ALMS1: variants seen among roughly 807,000 people sequenced by gnomAD.
The protein encoded by ALMS1 is ALMS1 centrosome and basal body associated protein.
Under a neutral mutation model 352.2 loss-of-function variants are expected in ALMS1, and 271 were observed. The observed-to-expected ratio is 0.77, with a 90% CI of 0.70 to 0.85. The LOEUF is 0.85. Among genes scored for constraint, ALMS1 ranks in the 40% least tolerant of loss-of-function variants. The pLI is 0.00. For synonymous variants in ALMS1, 1,865 were observed against 1,761.2 expected (o/e 1.06, Z -1.48); for missense variants, 5,445 against 4,870.7 (o/e 1.12, Z -3.51).
chr2:73,426,456 G>A lies in ALMS1; in HGVS notation c.1241G>A (p.Gly414Asp), dbSNP rs1671380629. ...SKQAETYLTK[G>D]LQGKVESDVI... ...CAAAATGACTCCTATTTTGTAGAGGGCCTGCAGGGGAAGGTTGAGTCTGAC... is the reference window on the plus strand; with the variant it reads ...CAAAATGACTCCTATTTTGTAGAGGACCTGCAGGGGAAGGTTGAGTCTGAC... Residue 414 changes from glycine (G) to aspartate (D), a missense_variant, in exon 6 of 23, where the codon GGC (glycine) becomes GAC (aspartate). Coordinates refer to ENST00000613296, the MANE Select transcript of ALMS1 (RefSeq NM_001378454.1). The A allele has an allele frequency of 6.2e-7, 1 of 1,613,884 alleles. No homozygotes were observed. Among genetic ancestry groups the A allele is most frequent in the Non-Finnish European group, 8.5e-7 (1 of 1,179,892 alleles).
Position 73,490,395 on chromosome 2 carries a change from A to G in ALMS1, c.8436A>G (p.Leu2812=), listed in dbSNP as rs1672953527. The G allele has an allele frequency of 6.2e-7, 1 of 1,614,010 alleles. No homozygotes were observed. The highest frequency in any genetic ancestry group is 8.5e-7 in the Non-Finnish European group (1 of 1,180,028). Residue 2812 remains leucine (L), a synonymous_variant, in exon 10 of 23, where the codon TTA becomes TTG. Transcript: ENST00000613296. Reference sequence around the variant, plus strand: ...GTTCTTTTCAAGAAGAAAAACCCTTAGAAAGATCAGATTTTACAGGCAGTC... The same window carrying G: ...GTTCTTTTCAAGAAGAAAAACCCTTGGAAAGATCAGATTTTACAGGCAGTC... ...FERSFQEEKP[L]ERSDFTGSHS...
At chr2:73,481,725 C>A (rs936873529) in intron 9 of ALMS1, among the ~76,000 whole-genome samples, 9 of 151,216 alleles carry the variant, frequency 6.0e-5, no homozygotes, top group Admixed American at 2.7e-4. Context: ...AATGTTCTTC[C>A]ATTTGTTTGT....
At chr2:73,471,512 C>A (rs1444837549) in intron 9 of ALMS1, among the ~76,000 whole-genome samples, 20 of 105,498 alleles carry the variant, frequency 1.9e-4, no homozygotes, top group African/African-American at 8.7e-4. Context: ...AAAAAAAAAT[C>A]CCCAAAACAA....
At position 73,547,483 on chromosome 2, in the gene ALMS1, G is replaced by A. The variant is rs114769897; in HGVS notation, c.9908-2784G>A. Among the ~76,000 whole-genome samples the A allele has an allele frequency of 2.2e-3, 340 of 152,236 alleles. 2 individuals are homozygous for A. Among genetic ancestry groups the A allele is most frequent in the African/African-American group, 7.7e-3 (319 of 41,534 alleles). On this transcript the variant is annotated intron_variant, in intron 12 of 22. Coordinates refer to ENST00000613296, the MANE Select transcript of ALMS1 (RefSeq NM_001378454.1). Reference sequence around the variant, plus strand: ...ACTTTCCTTCTTTCTTAAAGTTTCAGTTGGATTGTATGGCATTTAGTACAA... The same window carrying A: ...ACTTTCCTTCTTTCTTAAAGTTTCAATTGGATTGTATGGCATTTAGTACAA...
intron 15 of ALMS1, among the ~76,000 whole-genome samples, chr2:73,565,286 T>A (rs1459493742): frequency 6.6e-6 from 1 of 151,520 alleles, no homozygotes; most frequent in Non-Finnish European, 1.5e-5. Flanking sequence ...GAAAAAAAAA[T>A]GCACAGGGAT....
At position 73,490,216 on chromosome 2, in the gene ALMS1, C is replaced by A. The variant is rs200718841; in HGVS notation, c.8257C>A (p.His2753Asn). The A allele has an allele frequency of 1.5e-4, 250 of 1,614,040 alleles. No homozygotes were observed. Among genetic ancestry groups the A allele is most frequent in the Non-Finnish European group, 2.0e-4 (236 of 1,180,022 alleles). ...TGASVGVFNS[H>N]FTEEQNPPRD... is the part of the protein sequence containing the mutation. ...AGCATCTGTGGGGGTATTTAATTCT[C>A]ATTTCACTGAAGAACAAAATCCTCC... Residue 2753 changes from histidine (H) to asparagine (N), a missense_variant, in exon 10 of 23, where the codon CAT (histidine) becomes AAT (asparagine). Coordinates refer to ENST00000613296, the MANE Select transcript of ALMS1 (RefSeq NM_001378454.1).
At chr2:73,426,770 A>C (rs1671388128) in intron 6 of ALMS1, among the ~76,000 whole-genome samples, 1 of 152,174 alleles carries the variant, frequency 6.6e-6, no homozygotes, top group Non-Finnish European at 1.5e-5. Context: ...CTACTTTACA[A>C]CTACCATCTG....
At chr2:73,521,563 C>T (rs1412763503) in intron 11 of ALMS1, among the ~76,000 whole-genome samples, 2 of 145,414 alleles carry the variant, frequency 1.4e-5, no homozygotes, top group Admixed American at 1.4e-4. Context: ...AATGAAACCC[C>T]GTCTCTACTA....
chr2:73,557,400 A>C, intron 14 of ALMS1, 46 bp downstream of exon 14: 2 of 1,611,630 alleles, frequency 1.2e-6, no homozygotes, highest in Non-Finnish European at 1.7e-6. Context: ...CTGGTCTTCT[A>C]AAATGAGACT....
intron 15 of ALMS1, among the ~76,000 whole-genome samples, chr2:73,567,472 T>C (rs1367359982): frequency 9.2e-5 from 14 of 152,214 alleles, no homozygotes; most frequent in Admixed American, 8.5e-4. Flanking sequence ...AGGCAAAATA[T>C]GTATTTATTA....
chr2:73,387,759 A>G (rs1332135515), intron 1 of ALMS1, among the ~76,000 whole-genome samples: 1 of 152,234 alleles, frequency 6.6e-6, no homozygotes, highest in African/African-American at 2.4e-5. Flanking sequence ...CAGCTGTGAT[A>G]GCAAGGTGGG....
At chr2:73,578,789 G>A (rs932722663) in intron 16 of ALMS1, among the ~76,000 whole-genome samples, 3 of 151,938 alleles carry the variant, frequency 2.0e-5, no homozygotes, top group Non-Finnish European at 4.4e-5. Flanking sequence ...TTATGCATTC[G>A]TTTTTTAAAT....
At chr2:73,546,632 G>A (rs1338754363) in intron 12 of ALMS1, among the ~76,000 whole-genome samples, 2 of 152,144 alleles carry the variant, frequency 1.3e-5, no homozygotes, top group Admixed American at 6.6e-5. Context: ...TTTGTTTTAC[G>A]AACTTATGAA....
At chr2:73,538,274 G>A (rs777320931) in intron 12 of ALMS1, among the ~76,000 whole-genome samples, 3 of 152,076 alleles carry the variant, frequency 2.0e-5, no homozygotes, top group African/African-American at 4.8e-5. Context: ...CAAGGAAGAC[G>A]TGCAAATAGC....
At position 73,448,943 on chromosome 2, in the gene ALMS1, G is replaced by C. The variant is rs138921247; in HGVS notation, c.2416G>C (p.Val806Leu). ...PADQKTGLPT[V>L]PSSAYSHREK... ...TGACCAGAAGACTGGCCTACCAACA[G>C]TACCCTCTAGTGCATACTCACACAG... The change falls in exon 8 of 23, where the codon GTA becomes CTA. Residue 806 changes from valine to leucine, a missense_variant. Transcript: ENST00000613296. The C allele has an allele frequency of 6.0e-4, 974 of 1,614,078 alleles. 18 individuals carry two copies. In the East Asian group the frequency reaches 0.02, roughly 34 times the overall value.
intron 22 of ALMS1, among the ~76,000 whole-genome samples, chr2:73,609,244 G>A (rs1323851674): frequency 6.6e-6 from 1 of 152,202 alleles, no homozygotes; most frequent in Non-Finnish European, 1.5e-5. Context: ...GGGTGCCTCA[G>A]GTGGAGGCCC....
intron 1 of ALMS1, among the ~76,000 whole-genome samples, chr2:73,407,515 T>C (rs1489659999): frequency 6.6e-6 from 1 of 152,224 alleles, no homozygotes; most frequent in Non-Finnish European, 1.5e-5. Context: ...ATTAAAATAA[T>C]GTTTTTATAT....
Position 73,396,937 on chromosome 2 carries a change from C to T in ALMS1, c.324+10745C>T, listed in dbSNP as rs372422782. ...AGGATTACAGGCTTGAGCTACCGCG[C>T]CCAGCCTGGTTAGGCTCTGGTAAAA... On this transcript the variant is annotated intron_variant, in intron 1 of 22. Transcript: ENST00000613296. Among the ~76,000 whole-genome samples the T allele has an allele frequency of 1.6e-4, 25 of 152,256 alleles. No individual in the cohort carries two copies. The East Asian group carries it at 3.5e-3, about 21-fold the overall frequency.
Position 73,601,380 on chromosome 2 carries a change from C to G in ALMS1, c.12058C>G (p.Pro4020Ala). 6.2e-7 allele frequency: 1 copy of G among 1,614,042 alleles called. No individual in the cohort carries two copies. The highest frequency in any genetic ancestry group is 8.5e-7 in the Non-Finnish European group (1 of 1,179,952). ...GGACGGTCGGGGCTACCTGGCAGGC[C>G]CAGGCAGAGAGGCTGGCAGAGACCT... ...HLDGRGYLAG[P>A]GREAGRDLLR... Residue 4020 changes from proline to alanine, a missense_variant, in exon 19 of 23, where the codon CCA (proline) becomes GCA (alanine). Coordinates refer to ENST00000613296, the MANE Select transcript of ALMS1 (RefSeq NM_001378454.1).
Sources: allele counts gnomAD v4.1 joint callset (sites outside exome capture counted in the v4.1 genomes callset), GRCh38; gene constraint gnomAD v4.1.1; transcripts MANE v1.5; gene names NCBI Gene and HGNC (gene_info 2026-07-23, HGNC 2026-07-21).